Variants in TCERG1L observed in about 807,000 individuals in gnomAD.
TCERG1L encodes transcription elongation regulator 1 like, also known as transcription elongation regulator 1-like protein.
TCERG1L carries 37 observed loss-of-function variants against 56.3 expected under a neutral mutation model. That is an observed-to-expected ratio of 0.66 (90% CI 0.51 to 0.87). The LOEUF (loss-of-function observed/expected upper bound fraction) is 0.87, where lower values mean the gene tolerates loss of function less well. Among genes scored for constraint, TCERG1L ranks in the 40% least tolerant of loss-of-function variants. The pLI, the probability that TCERG1L is intolerant of heterozygous loss-of-function variation, is 0.00. For synonymous variants in TCERG1L, 324 were observed against 326.3 expected, an observed-to-expected ratio of 0.99 and a Z score of 0.08; for missense variants, 799 against 774.2, an observed-to-expected ratio of 1.03 and a Z score of -0.38.
intron 7 of TCERG1L, among the ~76,000 whole-genome samples, chr10:131,138,135 G>A (rs1156236834): frequency 6.6e-6 from 1 of 152,182 alleles, no homozygotes; most frequent in Non-Finnish European, 1.5e-5. Context: ...CGGGTGTGGT[G>A]GCACATGTCT....
intron 3 of TCERG1L, among the ~76,000 whole-genome samples, chr10:131,293,190 T>A (rs999066634): frequency 1.3e-5 from 2 of 152,172 alleles, no homozygotes; most frequent in Non-Finnish European, 1.5e-5. Context: ...TGCCTTTATT[T>A]TTTATCATAT....
At chr10:131,099,641 AC>A (rs1053255443) in intron 10 of TCERG1L, among the ~76,000 whole-genome samples, 2 of 152,008 alleles carry the variant, frequency 1.3e-5, no homozygotes, top group Middle Eastern at 3.2e-3. Context: ...GAAAGCCTCG[AC>A]CCCAGCACTG....
At chr10:131,167,563 C>T (rs1044233883) in intron 4 of TCERG1L, among the ~76,000 whole-genome samples, 1 of 152,232 alleles carries the variant, frequency 6.6e-6, no homozygotes, top group African/African-American at 2.4e-5. Flanking sequence ...CCAAGAAGGA[C>T]AAAGGGCCAG....
intron 4 of TCERG1L, among the ~76,000 whole-genome samples, chr10:131,185,277 A>C (rs1370037985): frequency 2.0e-5 from 3 of 152,214 alleles, no homozygotes; most frequent in Non-Finnish European, 4.4e-5. Context: ...AAAACACAGA[A>C]GAATGTCAGA....
At chr10:131,097,200 C>CAAA (rs1161006867) in intron 11 of TCERG1L, among the ~76,000 whole-genome samples, 11 of 90,998 alleles carry the variant, frequency 1.2e-4, no homozygotes, top group African/African-American at 2.6e-4. Context: ...GGGTCTGTCT[C>CAAA]AAAAAAAAAA....
intron 3 of TCERG1L, among the ~76,000 whole-genome samples, chr10:131,300,754 T>C (rs935242468): frequency 6.6e-6 from 1 of 152,136 alleles, no homozygotes; most frequent in African/African-American, 2.4e-5. Context: ...CACTTCTTGC[T>C]TGGTTTGTGT....
In TCERG1L at chr10:131,116,809, A is replaced by C; in HGVS notation, c.1385T>G (p.Leu462Arg). The C allele has an allele frequency of 6.4e-7, 1 of 1,564,266 alleles. No homozygotes were observed. The highest frequency in any genetic ancestry group is 8.7e-7 in the Non-Finnish European group (1 of 1,155,408). Residue 462 changes from leucine (L) to arginine (R), a missense_variant, in exon 9 of 12, where the codon CTG becomes CGG. Coordinates refer to ENST00000368642, the MANE Select transcript of TCERG1L (RefSeq NM_174937.4). ...GCCGCTGTGCCTTACCCCTCTCTCC[A>C]GCAGCATGTCTCGGAAGTGGGTCAC... ...ERVTHFRDML[L>R]ERGVSAFSTW...
intron 3 of TCERG1L, among the ~76,000 whole-genome samples, chr10:131,305,676 C>T (rs1178881865): frequency 6.6e-6 from 1 of 152,006 alleles, no homozygotes; most frequent in Non-Finnish European, 1.5e-5. Flanking sequence ...CTCACTAGAC[C>T]TGTTTACAAT....
At chr10:131,208,875 G>T (rs1845580881) in intron 4 of TCERG1L, among the ~76,000 whole-genome samples, 1 of 152,060 alleles carries the variant, frequency 6.6e-6, no homozygotes, top group South Asian at 2.1e-4. Flanking sequence ...GGCTAACATG[G>T]TAAAACCGCG....
chr10:131,180,941 T>C (rs764885495), intron 4 of TCERG1L, among the ~76,000 whole-genome samples: 55 of 152,216 alleles, frequency 3.6e-4, no homozygotes, highest in Non-Finnish European at 7.3e-4. Context: ...GCGACGTCTA[T>C]CACCTTGAAG....
intron 4 of TCERG1L, among the ~76,000 whole-genome samples, chr10:131,205,833 G>A (rs1408392207): frequency 2.0e-5 from 3 of 152,202 alleles, no homozygotes; most frequent in Admixed American, 6.5e-5. Flanking sequence ...TGCAGGAGAC[G>A]GGAGGCTGTG....
At chr10:131,212,945 C>T (rs1340951385) in intron 4 of TCERG1L, among the ~76,000 whole-genome samples, 7 of 152,256 alleles carry the variant, frequency 4.6e-5, no homozygotes, top group Non-Finnish European at 7.3e-5. Flanking sequence ...CCCACAAGTG[C>T]TCCTCCCACA....
intron 3 of TCERG1L, among the ~76,000 whole-genome samples, chr10:131,278,646 A>G (rs914325458): frequency 2.6e-5 from 4 of 152,232 alleles, no homozygotes; most frequent in East Asian, 3.9e-4. Context: ...CCCAGCCCAC[A>G]TCGTCTTTTC....
At position 131,285,516 on chromosome 10, in the gene TCERG1L, GAA is replaced by G. The variant is rs370895094; in HGVS notation, c.670+22693_670+22694del. Among the ~76,000 whole-genome samples, 4 of 28,740 alleles carry G rather than the reference GAA, an allele frequency of 1.4e-4. 1 individual carries two copies. The South Asian group carries it at 7.2e-3, about 52-fold the overall frequency. 18.9% of individuals were successfully genotyped at this position (28,740 alleles called of 152,430 possible). A position where few individuals can be genotyped will look rare whatever the true frequency, so the allele number is the denominator to read the frequency against. On this transcript the variant is annotated intron_variant, in intron 3 of 11. Transcript: ENST00000368642. ...AGAAAGAAAGAAAGAAAGAAAGAAAGAAAGAAAGAGAGAAAGAAAAGAAAAGA... is the reference window on the plus strand; with the variant it reads ...AGAAAGAAAGAAAGAAAGAAAGAAAGAGAAAGAGAGAAAGAAAAGAAAAGA...
At chr10:131,158,991 C>T (rs564474079) in intron 6 of TCERG1L, among the ~76,000 whole-genome samples, 41 of 152,216 alleles carry the variant, frequency 2.7e-4, no homozygotes, top group East Asian at 3.9e-4. Flanking sequence ...TTCTAAGACT[C>T]GACCCCTGCC....
At chr10:131,258,648 C>T (rs1846200138) in intron 4 of TCERG1L, among the ~76,000 whole-genome samples, 1 of 152,194 alleles carries the variant, frequency 6.6e-6, no homozygotes, top group African/African-American at 2.4e-5. Flanking sequence ...TAGGAGCTAC[C>T]TTCTGAGTAA....
intron 8 of TCERG1L, among the ~76,000 whole-genome samples, chr10:131,131,842 C>A (rs542737971): frequency 6.6e-6 from 1 of 152,196 alleles, no homozygotes; most frequent in African/African-American, 2.4e-5. Flanking sequence ...GGCAAAATTA[C>A]GCTATCCACA....
intron 8 of TCERG1L, among the ~76,000 whole-genome samples, chr10:131,123,999 A>G (rs1052330566): frequency 6.6e-6 from 1 of 152,144 alleles, no homozygotes; most frequent in Non-Finnish European, 1.5e-5. Flanking sequence ...TGACCAGGTA[A>G]AGCCATGACA....
intron 3 of TCERG1L, among the ~76,000 whole-genome samples, chr10:131,268,050 T>G (rs1165513237): frequency 6.6e-6 from 1 of 152,120 alleles, no homozygotes; most frequent in Non-Finnish European, 1.5e-5. Flanking sequence ...CTTCTGAGCC[T>G]GTGGGGGGCA....
Sources: allele counts gnomAD v4.1 joint callset (sites outside exome capture counted in the v4.1 genomes callset), GRCh38; gene constraint gnomAD v4.1.1; transcripts MANE v1.5; gene names NCBI Gene and HGNC (gene_info 2026-07-23, HGNC 2026-07-21).